The following LRRC7 variants were observed in gnomAD, a reference collection of about 807,000 sequenced individuals.
LRRC7 encodes the protein leucine rich repeat containing 7.
Under a neutral mutation model 175.7 loss-of-function variants are expected in LRRC7, and 23 were observed. That is an observed-to-expected ratio of 0.13 (90% CI 0.09 to 0.19). The LOEUF (loss-of-function observed/expected upper bound fraction) is 0.19. Ranked by LOEUF, LRRC7 falls within the 10% of genes least tolerant of loss-of-function variation. The probability of loss-of-function intolerance (pLI) is 1.00; values close to 1 mark genes in which losing one functional copy is unlikely to be tolerated. For missense variants in LRRC7, 1,354 were observed against 1,904.7 expected, an observed-to-expected ratio of 0.71 and a Z score of 5.38; for synonymous variants, 685 against 680.9, an observed-to-expected ratio of 1.01 and a Z score of -0.09.
At chr1:69,722,723 ATT>A in intron 2 of LRRC7, among the ~76,000 whole-genome samples, 1 of 151,990 alleles carries the variant, frequency 6.6e-6, no homozygotes, top group East Asian at 1.9e-4. Context: ...CAGATTCAGC[ATT>A]GTTTCATATG....
chr1:69,755,220 G>T (rs1323300357), intron 2 of LRRC7, among the ~76,000 whole-genome samples: 1 of 151,740 alleles, frequency 6.6e-6, no homozygotes, highest in African/African-American at 2.4e-5. Context: ...TTAACCTCTT[G>T]CTTTCCTAAT....
chr1:69,989,932 T>C (rs1654277408), intron 10 of LRRC7, among the ~76,000 whole-genome samples: 1 of 152,134 alleles, frequency 6.6e-6, no homozygotes, highest in African/African-American at 2.4e-5. Flanking sequence ...GATGTCTTCA[T>C]TGTCATCAGT....
chr1:69,581,820 C>T (rs2100919992), intron 1 of LRRC7, among the ~76,000 whole-genome samples: 1 of 152,162 alleles, frequency 6.6e-6, no homozygotes, highest in Admixed American at 6.5e-5. Flanking sequence ...TTTCTTCCAT[C>T]TTTACTCACT....
rs547460439 is a variant in LRRC7, at chr1:69,781,839, A to G, written c.304-10204A>G. Among the ~76,000 whole-genome samples the G allele has an allele frequency of 1.3e-4, 11 of 85,058 alleles. 1 individual carries two copies. Among genetic ancestry groups the G allele is most frequent in the African/African-American group, 4.9e-4 (10 of 20,506 alleles). The allele number at this position is 85,058 out of a possible 152,430, so 55.8% of individuals were successfully genotyped here. The stretch of plus-strand genomic sequence containing the variant: ...GAAGGAAGGAAGGAAGGAAGGAAGG[A>G]AGGAAGGGAGAGAAAGAAAGAGAAG... On this transcript the variant is annotated intron_variant, in intron 3 of 26. Transcript: ENST00000651989.
chr1:69,962,666 C>G (rs1651221316), intron 8 of LRRC7, among the ~76,000 whole-genome samples: 1 of 152,100 alleles, frequency 6.6e-6, no homozygotes, highest in Admixed American at 6.5e-5. Context: ...GCAAGATCAT[C>G]TCTTTGCAGG....
chr1:69,926,377 C>G (rs1451659006), intron 7 of LRRC7, among the ~76,000 whole-genome samples: 1 of 131,448 alleles, frequency 7.6e-6, no homozygotes, highest in South Asian at 2.7e-4. Flanking sequence ...AACTTTCTGT[C>G]TCGTTGTCGG....
intron 1 of LRRC7, among the ~76,000 whole-genome samples, chr1:69,639,754 T>A (rs1405226630): frequency 1.3e-5 from 2 of 151,682 alleles, no homozygotes; most frequent in Non-Finnish European, 3.0e-5. Context: ...TTTAGCTAAA[T>A]CATAAGAAAT....
chr1:69,938,548 C>G (rs2101791215), intron 8 of LRRC7, among the ~76,000 whole-genome samples: 1 of 152,064 alleles, frequency 6.6e-6, no homozygotes, highest in South Asian at 2.1e-4. Flanking sequence ...GAAATAGATG[C>G]TTTGGGCTAA....
intron 1 of LRRC7, among the ~76,000 whole-genome samples, chr1:69,663,700 ATTTTTTTTTTTTTTT>A (rs552339451): frequency 1.5e-5 from 1 of 67,742 alleles, no homozygotes; most frequent in African/African-American, 6.7e-5. Flanking sequence ...AATCGTTTTA[ATTTTTTTTTTTTTTT>A]TTTTTTTTTT....
chr1:69,838,330 C>T, intron 7 of LRRC7, 47 bp downstream of exon 7: 1 of 1,398,466 alleles, frequency 7.2e-7, no homozygotes, highest in Non-Finnish European at 1.0e-6. Context: ...ATTTTTTTCA[C>T]TAGTAAGAGA....
intron 2 of LRRC7, among the ~76,000 whole-genome samples, chr1:69,689,724 G>T (rs1661606032): frequency 6.6e-6 from 1 of 151,956 alleles, no homozygotes. Context: ...ACAAACAAGT[G>T]GTCAGTGATT....
intron 2 of LRRC7, among the ~76,000 whole-genome samples, chr1:69,732,712 T>C (rs1024187807): frequency 6.6e-6 from 1 of 152,100 alleles, no homozygotes. Flanking sequence ...TTTGAGAAAA[T>C]GAAGAGTTCA....
At position 70,020,954 on chromosome 1, in the gene LRRC7, GTGTAAAAT is replaced by G. The variant is rs755794263; in HGVS notation, c.1421-47_1421-40del. The G allele has an allele frequency of 4.0e-6, 6 of 1,501,248 alleles. No individual in the cohort carries two copies. The Admixed American group carries it at 1.2e-4, about 31-fold the overall frequency. The allele number at this position is 1,501,248 out of a possible 1,614,324, so 93.0% of individuals were successfully genotyped here. ...TTTTGCATACTATATTAAATACTTTGTGTAAAATTGTTTTTTAAAAAAACAATAATACT... is the reference window on the plus strand; with the variant it reads ...TTTTGCATACTATATTAAATACTTTGTGTTTTTTAAAAAAACAATAATACT... On this transcript the variant is annotated intron_variant, in intron 15 of 26. Transcript: ENST00000651989.
chr1:69,890,253 C>G (rs530321744), intron 7 of LRRC7, among the ~76,000 whole-genome samples: 1 of 152,298 alleles, frequency 6.6e-6, no homozygotes, highest in Admixed American at 6.5e-5. Flanking sequence ...TACTCCTTGA[C>G]CCATTAACAG....
chr1:69,834,771 C>G lies in LRRC7; in HGVS notation c.501-9C>G. 8 of 1,608,062 alleles carry G rather than the reference C, an allele frequency of 5.0e-6. No homozygotes were observed. Among genetic ancestry groups the G allele is most frequent in the East Asian group, 2.2e-5 (1 of 44,754 alleles). On this transcript the variant is annotated splice_polypyrimidine_tract_variant and intron_variant, in intron 5 of 26. Transcript: ENST00000651989. ...CAATGCAGTGACTAAAACTTTAACT[C>G]CTTTTTAGACTACCTGATGGCTTCA...
chr1:69,960,551 T>C (rs1650953611), intron 8 of LRRC7, among the ~76,000 whole-genome samples: 1 of 152,096 alleles, frequency 6.6e-6, no homozygotes, highest in African/African-American at 2.4e-5. Flanking sequence ...GGTTATCTAG[T>C]TCTTTTAGTT....
chr1:70,044,176 A>G (rs1399511371), intron 22 of LRRC7, 82 bp downstream of exon 22: 6 of 1,447,756 alleles, frequency 4.1e-6, no homozygotes, highest in East Asian at 2.3e-5. Flanking sequence ...TAGGCTATAC[A>G]TACAACCCTG....
At chr1:69,620,606 TAAGAG>T (rs978258686) in intron 1 of LRRC7, among the ~76,000 whole-genome samples, 8 of 152,172 alleles carry the variant, frequency 5.3e-5, no homozygotes, top group African/African-American at 1.9e-4. Context: ...TGTCCAGAAA[TAAGAG>T]AAGAATACTA....
intron 1 of LRRC7, among the ~76,000 whole-genome samples, chr1:69,666,879 G>A (rs550110493): frequency 2.0e-5 from 3 of 151,698 alleles, no homozygotes; most frequent in East Asian, 1.9e-4. Flanking sequence ...TGCTTTTCTA[G>A]TTCTTCAAGA....
Sources: gnomAD v4.1 joint callset for allele counts (sites outside exome capture counted in the v4.1 genomes callset) on GRCh38, gnomAD v4.1.1 for gene constraint, MANE v1.5 for transcripts, NCBI Gene and HGNC (gene_info 2026-07-23, HGNC 2026-07-21) for gene names.